The following NPR3 variants were observed in gnomAD, a reference collection of about 807,000 sequenced individuals.
NPR3 encodes natriuretic peptide receptor 3.
In NPR3, 34 loss-of-function variants were observed where a neutral mutation model predicts 54.5. The ratio of observed to expected loss-of-function variants is 0.62; its 90% CI spans 0.47 to 0.83. The LOEUF is 0.83. NPR3 is among the 40% of genes least tolerant of loss of function. The pLI, the probability that NPR3 is intolerant of heterozygous loss-of-function variation, is 0.00. For missense variants in NPR3, 674 were observed against 720.8 expected, an observed-to-expected ratio of 0.94 and a Z score of 0.74; for synonymous variants, 289 against 297.1, an observed-to-expected ratio of 0.97 and a Z score of 0.28.
At chr5:32,732,133 C>T (rs1348542186) in intron 2 of NPR3, among the ~76,000 whole-genome samples, 8 of 150,042 alleles carry the variant, frequency 5.3e-5, no homozygotes, top group Non-Finnish European at 1.2e-4. Flanking sequence ...CCCAGCTACT[C>T]GGGAGGCTGA....
intron 3 of NPR3, among the ~76,000 whole-genome samples, chr5:32,772,651 G>T (rs1741830501): frequency 6.6e-6 from 1 of 152,198 alleles, no homozygotes; most frequent in South Asian, 2.1e-4. Flanking sequence ...TTGAATACTG[G>T]TGTTAATAAT....
chr5:32,738,748 A>G lies in NPR3; in HGVS notation c.893-116A>G, dbSNP rs925161272. The G allele has an allele frequency of 4.9e-6, 4 of 821,328 alleles. No homozygotes were observed. The African/African-American group carries it at 5.1e-5, about 11-fold the overall frequency. 50.9% of individuals were successfully genotyped at this position (821,328 alleles called of 1,614,324 possible). On this transcript the variant is annotated intron_variant, in intron 2 of 7. Coordinates refer to ENST00000265074, the MANE Select transcript of NPR3 (RefSeq NM_001204375.2). ...TACCTAAGTGCAAAACTATGACAAT[A>G]CTTCTCTTCCTGGTTGCCAAAAGTA...
chr5:32,743,987 ATTTTTTTTTTTTT>A (rs199604802), intron 3 of NPR3, among the ~76,000 whole-genome samples: 1 of 113,834 alleles, frequency 8.8e-6, no homozygotes. Flanking sequence ...ATTCTGATGC[ATTTTTTTTTTTTT>A]TTTTTTTTTT....
intron 3 of NPR3, among the ~76,000 whole-genome samples, chr5:32,767,951 G>A (rs553304941): frequency 1.2e-4 from 18 of 152,148 alleles, no homozygotes; most frequent in African/African-American, 4.3e-4. Context: ...CCAGAAATTG[G>A]GCCCCTCCTC....
chr5:32,727,344 G>A (rs1221593420), intron 2 of NPR3, among the ~76,000 whole-genome samples: 1 of 152,036 alleles, frequency 6.6e-6, no homozygotes, highest in Non-Finnish European at 1.5e-5. Flanking sequence ...CCCAGGCTGG[G>A]CTCGAACTCC....
chr5:32,735,479 C>CAAA (rs10555665), intron 2 of NPR3, among the ~76,000 whole-genome samples: 15,269 of 126,682 alleles, frequency 0.12, 892 homozygotes, highest in East Asian at 0.23. Flanking sequence ...AGAAAAATAC[C>CAAA]AAAAAAAAAA....
At chr5:32,757,417 A>G (rs2112001423) in intron 3 of NPR3, among the ~76,000 whole-genome samples, 1 of 152,326 alleles carries the variant, frequency 6.6e-6, no homozygotes, top group Non-Finnish European at 1.5e-5. Context: ...TTATTGGTGT[A>G]TAAGAATGCT....
chr5:32,721,459 A>G (rs561420786), intron 1 of NPR3, among the ~76,000 whole-genome samples: 2 of 152,174 alleles, frequency 1.3e-5, no homozygotes, highest in African/African-American at 2.4e-5. Flanking sequence ...CCTGGCCAAC[A>G]TGACAAAACT....
intron 3 of NPR3, among the ~76,000 whole-genome samples, chr5:32,768,017 T>C (rs2112031412): frequency 6.6e-6 from 1 of 152,330 alleles, no homozygotes; most frequent in East Asian, 1.9e-4. Context: ...TTTGTATTGC[T>C]GCCCGGCACA....
At chr5:32,712,860 G>A (rs563546632) in intron 1 of NPR3, among the ~76,000 whole-genome samples, 57 of 152,280 alleles carry the variant, frequency 3.7e-4, no homozygotes, top group African/African-American at 1.4e-3. Context: ...TGCCAGCGCC[G>A]GGCTGGTGAT....
intron 6 of NPR3, among the ~76,000 whole-genome samples, chr5:32,784,251 T>C (rs1816045): frequency 0.22 from 34,171 of 152,120 alleles, 3,946 homozygotes; most frequent in South Asian, 0.29. Flanking sequence ...TGCAGTGGTG[T>C]GATCCTGGCT....
At chr5:32,713,488 C>G (rs1181216132) in intron 1 of NPR3, 1 of 980,180 alleles carries the variant, frequency 1.0e-6, no homozygotes, top group Non-Finnish European at 1.2e-6. Flanking sequence ...AGCGCCGATC[C>G]CTCCTCCCTC....
At chr5:32,740,609 A>G (rs1489756124) in intron 3 of NPR3, among the ~76,000 whole-genome samples, 2 of 110,440 alleles carry the variant, frequency 1.8e-5, no homozygotes, top group Non-Finnish European at 3.7e-5. Flanking sequence ...TGAAAAAGTG[A>G]AAAAAAAAAC....
chr5:32,709,498 C>A (rs1241833621), upstream of NPR3: 2 of 151,672 alleles, frequency 1.3e-5, no homozygotes, highest in Admixed American at 6.6e-5. Flanking sequence ...CACTAAATCT[C>A]AATTTCCAGT....
At chr5:32,761,679 C>A (rs965540512) in intron 3 of NPR3, among the ~76,000 whole-genome samples, 5 of 151,212 alleles carry the variant, frequency 3.3e-5, no homozygotes, top group African/African-American at 1.2e-4. Flanking sequence ...ATATAGCTTT[C>A]ATTTCTCTGC....
At position 32,790,262 on chromosome 5, in the gene NPR3, C is replaced by CAGCAAGAAGCATGGAACATGCTG. The variant is rs57076643; in HGVS notation, c.*3926_*3927insCATGGAACATGCTGAGCAAGAAG. ...TTAGTGCCCCTTCAACAGCCATACTCAGCAAGAAGAATCAGAAGCTTGATC... is the reference window on the plus strand; with the variant it reads ...TTAGTGCCCCTTCAACAGCCATACTCAGCAAGAAGCATGGAACATGCTGAGCAAGAAGAATCAGAAGCTTGATC... On this transcript the variant is annotated 3_prime_UTR_variant, in exon 8 of 8. Transcript: ENST00000265074. The CAGCAAGAAGCATGGAACATGCTG allele has an allele frequency of 0.062, 10,618 of 170,368 alleles. 1,273 individuals are homozygous for CAGCAAGAAGCATGGAACATGCTG. The highest frequency in any genetic ancestry group is 0.25 in the African/African-American group (10,159 of 41,454). The allele number at this position is 170,368 out of a possible 1,614,324, so 10.6% of individuals were successfully genotyped here. A position where few individuals can be genotyped will look rare whatever the true frequency, so the allele number is the denominator to read the frequency against.
intron 3 of NPR3, among the ~76,000 whole-genome samples, chr5:32,770,344 C>T (rs1741690361): frequency 6.6e-6 from 1 of 151,760 alleles, no homozygotes; most frequent in South Asian, 2.1e-4. Flanking sequence ...GCAGGAGGAA[C>T]ACTTGAACTG....
At chr5:32,690,960 T>C (rs190048508) in intron 1 of NPR3, among the ~76,000 whole-genome samples, 1 of 152,320 alleles carries the variant, frequency 6.6e-6, no homozygotes, top group East Asian at 1.9e-4. Flanking sequence ...TGGACCTTCT[T>C]GCTCCAGATA....
intron 3 of NPR3, among the ~76,000 whole-genome samples, chr5:32,743,767 C>A (rs1304610505): frequency 1.3e-5 from 2 of 152,108 alleles, no homozygotes; most frequent in African/African-American, 4.8e-5. Context: ...CTGTTTCCCT[C>A]AGCTTGGGTG....
Sources: allele counts gnomAD v4.1 joint callset (sites outside exome capture counted in the v4.1 genomes callset), GRCh38; gene constraint gnomAD v4.1.1; transcripts MANE v1.5; gene names NCBI Gene and HGNC (gene_info 2026-07-23, HGNC 2026-07-21).